TAF12: variants seen among roughly 807,000 people sequenced by gnomAD.
TAF12 encodes transcription initiation factor TFIID subunit 12.
TAF12 carries 3 observed loss-of-function variants against 20.8 expected under a neutral mutation model. The observed-to-expected ratio is 0.14, with a 90% CI of 0.07 to 0.37. TAF12 has a LOEUF of 0.37. TAF12 is among the 10% of genes least tolerant of loss of function. The pLI, the probability that TAF12 is intolerant of heterozygous loss-of-function variation, is 1.00. For synonymous variants in TAF12, 69 were observed against 70.2 expected (o/e 0.98, Z 0.09); for missense variants, 131 against 197.9 (o/e 0.66, Z 2.03).
chr1:28,610,946 T>G (rs547363550), intron 4 of TAF12, among the ~76,000 whole-genome samples: 2 of 120,688 alleles, frequency 1.7e-5, no homozygotes, highest in Non-Finnish European at 1.6e-5. Flanking sequence ...GGCAACAGAG[T>G]GAGACTGTCT....
Position 28,603,432 on chromosome 1 carries a change from G to A in TAF12, c.*107C>T. On this transcript the variant is annotated 3_prime_UTR_variant, in exon 6 of 6. Coordinates refer to ENST00000373824, the MANE Select transcript of TAF12 (RefSeq NM_005644.4). ...GCTGCACTGTTAATAAAAAATATAT[G>A]CTTCTCTGTAAAGCATTAAAAAAAA... 8.6e-7 allele frequency: 1 copy of A among 1,157,564 alleles called. No homozygotes were observed. Among genetic ancestry groups the A allele is most frequent in the Non-Finnish European group, 1.3e-6 (1 of 783,804 alleles). 71.7% of individuals were successfully genotyped at this position (1,157,564 alleles called of 1,614,324 possible).
chr1:28,631,940 G>A (rs1667643584), intron 1 of TAF12, among the ~76,000 whole-genome samples: 1 of 152,118 alleles, frequency 6.6e-6, no homozygotes, highest in East Asian at 1.9e-4. Flanking sequence ...TTCTTCTAAA[G>A]TTAAATGTAT....
chr1:28,610,228 A>G (rs900403634), intron 4 of TAF12, among the ~76,000 whole-genome samples: 1 of 151,986 alleles, frequency 6.6e-6, no homozygotes, highest in Non-Finnish European at 1.5e-5. Flanking sequence ...TCGGCCTCAC[A>G]AAGTGCTCGG....
chr1:28,615,386 TA>T (rs1425365519), intron 3 of TAF12, among the ~76,000 whole-genome samples: 1 of 151,130 alleles, frequency 6.6e-6, no homozygotes, highest in Non-Finnish European at 1.5e-5. Context: ...TAAAATAAGT[TA>T]AAAAAATATT....
At chr1:28,634,415 C>CAAA (rs1159192480) in intron 1 of TAF12, among the ~76,000 whole-genome samples, 11 of 41,450 alleles carry the variant, frequency 2.7e-4, no homozygotes, top group East Asian at 6.7e-4. Context: ...GACTCCATCT[C>CAAA]AAAAAAAAAA....
intron 1 of TAF12, among the ~76,000 whole-genome samples, chr1:28,627,391 GAAAAAAA>G (rs771889346): frequency 1.6e-5 from 1 of 63,644 alleles, no homozygotes; most frequent in African/African-American, 5.0e-5. Context: ...CCGTCTCAAA[GAAAAAAA>G]AAAAAAAAAA....
intron 1 of TAF12, among the ~76,000 whole-genome samples, chr1:28,628,700 C>T (rs1469248270): frequency 2.6e-5 from 4 of 151,628 alleles, no homozygotes; most frequent in Non-Finnish European, 2.9e-5. Flanking sequence ...AGGAGGCTCA[C>T]GAAATGGTCT....
chr1:28,623,997 G>A (rs1570317300), intron 1 of TAF12: 10 of 985,678 alleles, frequency 1.0e-5, no homozygotes, highest in Middle Eastern at 5.2e-4. Flanking sequence ...CTGTGAGCCC[G>A]GTGAAATGAG....
At chr1:28,605,822 C>T (rs1041676204) in intron 4 of TAF12, among the ~76,000 whole-genome samples, 10 of 152,186 alleles carry the variant, frequency 6.6e-5, no homozygotes, top group East Asian at 1.9e-4. Flanking sequence ...TTCTTTAAGA[C>T]GGAATTTTGC....
chr1:28,647,746 G>T (rs1668234108), upstream of TAF12, among the ~76,000 whole-genome samples: 1 of 151,974 alleles, frequency 6.6e-6, no homozygotes, highest in Admixed American at 6.6e-5. Context: ...TGGTGGCAGG[G>T]GCCTGTAGTC....
intron 1 of TAF12, among the ~76,000 whole-genome samples, chr1:28,628,933 G>T (rs1451046880): frequency 6.6e-6 from 1 of 152,194 alleles, no homozygotes; most frequent in Non-Finnish European, 1.5e-5. Flanking sequence ...TTAACCAGGC[G>T]CGTTGGCGGG....
chr1:28,638,829 T>C (rs183885111), intron 1 of TAF12, among the ~76,000 whole-genome samples: 4 of 141,264 alleles, frequency 2.8e-5, no homozygotes, highest in African/African-American at 1.1e-4. Flanking sequence ...CCTTGCTCTG[T>C]CACCCGGGCT....
chr1:28,640,406 CTG>C (rs1171572691), intron 1 of TAF12, among the ~76,000 whole-genome samples: 3 of 152,136 alleles, frequency 2.0e-5, no homozygotes, highest in East Asian at 1.9e-4. Flanking sequence ...GATGGACAAA[CTG>C]AGAGGAATCC....
chr1:28,616,503 T>G lies in TAF12; in HGVS notation c.246+1450A>C, dbSNP rs150989167. Reference sequence around the variant, plus strand: ...ATCCCAGCACTTTGGGAGGCCGAGGTGGGTGAATCACCTGAGGTCAGGAGT... The same window carrying G: ...ATCCCAGCACTTTGGGAGGCCGAGGGGGGTGAATCACCTGAGGTCAGGAGT... On this transcript the variant is annotated intron_variant, in intron 3 of 5. Coordinates refer to ENST00000373824, the MANE Select transcript of TAF12 (RefSeq NM_005644.4). Among the ~76,000 whole-genome samples the G allele has an allele frequency of 4.4e-3, 650 of 148,826 alleles. 5 individuals carry two copies. The highest frequency in any genetic ancestry group is 0.016 in the African/African-American group (625 of 40,164).
chr1:28,642,711 G>A (rs2124396305), intron 1 of TAF12: 1 of 985,350 alleles, frequency 1.0e-6, no homozygotes, highest in Non-Finnish European at 1.2e-6. Flanking sequence ...CCTCGTAGGA[G>A]TGCGGGTCCT....
intron 1 of TAF12, among the ~76,000 whole-genome samples, chr1:28,635,899 C>G (rs1667808268): frequency 6.6e-6 from 1 of 151,624 alleles, no homozygotes; most frequent in African/African-American, 2.4e-5. Flanking sequence ...TTTTTTACCT[C>G]TGAAATGTTT....
intron 1 of TAF12, among the ~76,000 whole-genome samples, chr1:28,624,232 C>A: frequency 6.6e-6 from 1 of 152,156 alleles, no homozygotes; most frequent in East Asian, 1.9e-4. Context: ...GATTATGGCA[C>A]ATATAGACCA....
intron 1 of TAF12, among the ~76,000 whole-genome samples, chr1:28,636,722 G>C (rs534737839): frequency 6.6e-6 from 1 of 151,964 alleles, no homozygotes; most frequent in East Asian, 1.9e-4. Flanking sequence ...GATCACTTGA[G>C]CCCAGGAGGT....
intron 4 of TAF12, among the ~76,000 whole-genome samples, chr1:28,610,568 G>A (rs1482236741): frequency 1.3e-5 from 2 of 152,142 alleles, no homozygotes; most frequent in Non-Finnish European, 2.9e-5. Context: ...TCCTGCCTCA[G>A]CTTCCCAAAA....
Sources: gnomAD v4.1 joint callset for allele counts (sites outside exome capture counted in the v4.1 genomes callset) on GRCh38, gnomAD v4.1.1 for gene constraint, MANE v1.5 for transcripts, NCBI Gene and HGNC (gene_info 2026-07-23, HGNC 2026-07-21) for gene names.